The following BBS12 variants were observed in gnomAD, a reference collection of about 807,000 sequenced individuals.
BBS12 encodes the protein Bardet-Biedl syndrome 12, also known as chaperonin-containing T-complex member BBS12.
BBS12 carries 5 observed loss-of-function variants against 5.6 expected under a neutral mutation model. That is an observed-to-expected ratio of 0.89 (90% CI 0.46 to 1.86). BBS12 has a LOEUF of 1.86. Ranked by LOEUF, BBS12 falls within the 40% of genes most tolerant of loss-of-function variation. The pLI, the probability that BBS12 is intolerant of heterozygous loss-of-function variation, is 0.01. For missense variants in BBS12, 748 were observed against 830.4 expected (o/e 0.90, Z 1.22); for synonymous variants, 308 against 306.8 (o/e 1.00, Z -0.04).
the BBS12 span, among the ~76,000 whole-genome samples, chr4:122,722,607 T>G: frequency 1.4e-4 from 22 of 152,340 alleles, no homozygotes; most frequent in Middle Eastern, 3.4e-3. Context: ...GTAGAAGACC[T>G]GTGTATCTTC....
the BBS12 span, among the ~76,000 whole-genome samples, chr4:122,707,796 A>G: frequency 1.3e-5 from 2 of 152,132 alleles, no homozygotes; most frequent in Non-Finnish European, 2.9e-5. Flanking sequence ...GTGGGAGAGC[A>G]TAAGTGTTCT....
chr4:122,727,544 A>ATTTTTTTTTTTTTTTTTTTTTTTTTTTT, the BBS12 span, among the ~76,000 whole-genome samples: 9 of 82,292 alleles, frequency 1.1e-4, 3 homozygotes, highest in Middle Eastern at 9.4e-3. Context: ...CCCCTGGCCA[A>ATTTTTTTTTTTTTTTTTTTTTTTTTTTT]TTTTTTTTTT....
chr4:122,722,092 G>T, the BBS12 span, among the ~76,000 whole-genome samples: 1 of 152,024 alleles, frequency 6.6e-6, no homozygotes, highest in Non-Finnish European at 1.5e-5. Flanking sequence ...CAATCCTCTA[G>T]AATTGATTTT....
Position 122,742,566 on chromosome 4 carries a change from GC to G in BBS12, c.675del (p.Cys226AlafsTer6). On this transcript the variant is annotated frameshift_variant, in exon 2 of 2. Coordinates refer to ENST00000314218, the MANE Select transcript of BBS12 (RefSeq NM_152618.3). LOFTEE classifies it low-confidence loss of function (END_TRUNC). ...TLKNSLLADT[C>X]CRQSILIHSR... Reference sequence around the variant, plus strand: ...AAAAACAGCCTGCTTGCAGATACCTGCTGCAGACAGTCAATACTAATCCACA... The same window carrying G: ...AAAAACAGCCTGCTTGCAGATACCTGTGCAGACAGTCAATACTAATCCACA... 1 of 1,614,208 alleles carries G rather than the reference GC, an allele frequency of 6.2e-7. No homozygotes were observed. The highest frequency in any genetic ancestry group is 2.2e-5 in the East Asian group (1 of 44,886).
the BBS12 span, among the ~76,000 whole-genome samples, chr4:122,718,032 A>G: frequency 6.6e-6 from 1 of 152,172 alleles, no homozygotes; most frequent in Non-Finnish European, 1.5e-5. Context: ...TATGCATCTC[A>G]GTTTTCTCAA....
At chr4:122,704,746 CA>C in the BBS12 span, among the ~76,000 whole-genome samples, 1 of 152,302 alleles carries the variant, frequency 6.6e-6, no homozygotes, top group Admixed American at 6.5e-5. Flanking sequence ...CCCTTATCCC[CA>C]AACATGGACA....
chr4:122,729,479 C>T (rs1053137472), upstream of BBS12: 5 of 152,126 alleles, frequency 3.3e-5, no homozygotes, highest in African/African-American at 9.7e-5. Context: ...AAGTTTTATC[C>T]ATAGGGAAGC....
chr4:122,740,013 G>A (rs1196237942), intron 1 of BBS12, among the ~76,000 whole-genome samples: 7 of 152,188 alleles, frequency 4.6e-5, no homozygotes, highest in African/African-American at 1.7e-4. Flanking sequence ...GCTCATGCCT[G>A]TAATCCCAGC....
chr4:122,708,288 A>C, the BBS12 span, among the ~76,000 whole-genome samples: 1 of 152,098 alleles, frequency 6.6e-6, no homozygotes, highest in African/African-American at 2.4e-5. Flanking sequence ...TCTTTGAATT[A>C]CAGAAATGGG....
chr4:122,716,486 T>C, the BBS12 span, among the ~76,000 whole-genome samples: 1 of 151,088 alleles, frequency 6.6e-6, no homozygotes, highest in Non-Finnish European at 1.5e-5. Context: ...ATCTTCAAAA[T>C]TGGATTAGAA....
At chr4:122,723,003 GT>G in the BBS12 span, among the ~76,000 whole-genome samples, 1 of 151,934 alleles carries the variant, frequency 6.6e-6, no homozygotes, top group African/African-American at 2.4e-5. Context: ...ATTCTCTCTT[GT>G]TTTTTGTTTG....
chr4:122,738,067 T>C (rs1226177249), intron 1 of BBS12, among the ~76,000 whole-genome samples: 1 of 152,196 alleles, frequency 6.6e-6, no homozygotes, highest in African/African-American at 2.4e-5. Flanking sequence ...ACTATAAAAC[T>C]CTTTGAATAA....
the BBS12 span, among the ~76,000 whole-genome samples, chr4:122,716,575 A>ATG: frequency 2.7e-5 from 4 of 149,130 alleles, no homozygotes; most frequent in African/African-American, 7.4e-5. Flanking sequence ...ATATAAACAT[A>ATG]TGTATATATA....
chr4:122,723,685 T>C, the BBS12 span, among the ~76,000 whole-genome samples: 4 of 152,222 alleles, frequency 2.6e-5, no homozygotes, highest in African/African-American at 9.6e-5. Context: ...AACAATCTGC[T>C]TATTGCAACT....
the BBS12 span, among the ~76,000 whole-genome samples, chr4:122,708,320 T>A: frequency 2.6e-5 from 4 of 152,168 alleles, no homozygotes; most frequent in African/African-American, 9.7e-5. Flanking sequence ...CCCTGATCAC[T>A]ACTTTTGGCC....
rs1467415217 is a variant in BBS12 at position 122,742,292 on chromosome 4, G to T, written c.400G>T (p.Val134Phe). 6.2e-7 allele frequency: 1 copy of T among 1,613,746 alleles called. No homozygotes were observed. The highest frequency in any genetic ancestry group is 1.3e-5 in the African/African-American group (1 of 74,862). ...SEEVVSLHVP[V>F]HNIFDCMDST... ...AGAGGTAGTTTCTCTTCATGTACCT[G>T]TTCACAATATATTTGACTGTATGGA... Residue 134 changes from valine (V) to phenylalanine (F), a missense_variant, in exon 2 of 2, where the codon GTT becomes TTT. Val to Phe is a conservative substitution (Grantham distance 50). Transcript: ENST00000314218.
chr4:122,716,696 T>G, the BBS12 span, among the ~76,000 whole-genome samples: 1 of 126,004 alleles, frequency 7.9e-6, no homozygotes, highest in East Asian at 2.2e-4. Flanking sequence ...TATGTGTATG[T>G]GTGTGTATAC....
the BBS12 span, among the ~76,000 whole-genome samples, chr4:122,706,514 C>G: frequency 6.6e-6 from 1 of 152,076 alleles, no homozygotes; most frequent in Non-Finnish European, 1.5e-5. Context: ...GGCAAGAGGA[C>G]TCCTTGAGCC....
rs1354856654 is a variant in BBS12 at position 122,743,824 on chromosome 4, T to C, written c.1932T>C (p.Asn644=). Residue 644 remains asparagine (N), a synonymous_variant, in exon 2 of 2, where the codon AAT becomes AAC. Coordinates refer to ENST00000314218, the MANE Select transcript of BBS12 (RefSeq NM_152618.3). ...SYILNEYSKL[N]SRIFNSDISN... The stretch of plus-strand genomic sequence containing the variant: ...TCTTGAATGAATATAGTAAACTAAA[T>C]AGTAGAATTTTTAATTCAGACATTT... The C allele has an allele frequency of 6.2e-7, 1 of 1,607,022 alleles. No homozygotes were observed. Among genetic ancestry groups the C allele is most frequent in the Admixed American group, 1.7e-5 (1 of 58,590 alleles).
Sources: allele counts gnomAD v4.1 joint callset (sites outside exome capture counted in the v4.1 genomes callset), GRCh38; gene constraint gnomAD v4.1.1; transcripts MANE v1.5; gene names NCBI Gene and HGNC (gene_info 2026-07-23, HGNC 2026-07-21).